LRRC17: variants seen among roughly 807,000 people sequenced by gnomAD.
LRRC17 encodes leucine-rich repeat-containing protein 17.
A neutral mutation model predicts 41.5 loss-of-function variants in LRRC17; 33 were observed. The ratio of observed to expected loss-of-function variants is 0.80; its 90% confidence interval spans 0.60 to 1.06. The LOEUF (loss-of-function observed/expected upper bound fraction) is 1.06, where lower values mean the gene tolerates loss of function less well. LRRC17 is among the 50% of genes least tolerant of loss of function. LRRC17 has a pLI of 0.00. For missense variants in LRRC17, 491 were observed against 519.3 expected (o/e 0.95, Z 0.53); for synonymous variants, 192 against 197.0 (o/e 0.97, Z 0.21).
chr7:102,932,120 A>G (rs1244032603), intron 1 of LRRC17, among the ~76,000 whole-genome samples: 1 of 152,230 alleles, frequency 6.6e-6, no homozygotes, highest in Admixed American at 6.5e-5. Flanking sequence ...ATTAAAATAC[A>G]CAGACATGTT....
At chr7:102,931,272 G>A (rs1020431519) in intron 1 of LRRC17, among the ~76,000 whole-genome samples, 13 of 152,238 alleles carry the variant, frequency 8.5e-5, no homozygotes, top group Non-Finnish European at 1.8e-4. Flanking sequence ...TGAAACAAGT[G>A]AGGCTGGAAA....
At chr7:102,931,779 T>C (rs982158446) in intron 1 of LRRC17, 4 of 1,113,424 alleles carry the variant, frequency 3.6e-6, no homozygotes, top group Non-Finnish European at 5.2e-6. Context: ...TTTTCCACAT[T>C]GAATCCCAAA....
At position 102,944,466 on chromosome 7, in the gene LRRC17, T is replaced by C. The variant is rs1191452023; in HGVS notation, c.1185T>C (p.Ser395=). 6.2e-7 allele frequency: 1 copy of C among 1,613,992 alleles called. No individual in the cohort carries two copies. Among genetic ancestry groups the C allele is most frequent in the Non-Finnish European group, 8.5e-7 (1 of 1,179,958 alleles). ...KGWSVGKYIR[S]YYEECPKDKL... ...GGTCTGTGGGAAAATATATTAGAAG[T>C]TACTATGAAGAATGCCCCAAAGACA... The change falls in exon 4 of 4, where the codon AGT becomes AGC. Residue 395 remains serine, a synonymous_variant. Transcript: ENST00000339431.
chr7:102,916,037 G>A (rs538712911), intron 1 of LRRC17, among the ~76,000 whole-genome samples: 1 of 151,584 alleles, frequency 6.6e-6, no homozygotes, highest in East Asian at 1.9e-4. Context: ...AGGCTGGAGT[G>A]CAATGGCATG....
intron 1 of LRRC17, among the ~76,000 whole-genome samples, chr7:102,919,368 G>T (rs1179516448): frequency 6.6e-6 from 1 of 152,078 alleles, no homozygotes; most frequent in Non-Finnish European, 1.5e-5. Flanking sequence ...AATAAAATCG[G>T]ATCTAAAAAT....
Position 102,934,703 on chromosome 7 carries a change from T to C in LRRC17, c.772+18T>C. 6.4e-7 allele frequency: 1 copy of C among 1,554,714 alleles called. No homozygotes were observed. The highest frequency in any genetic ancestry group is 8.7e-7 in the Non-Finnish European group (1 of 1,155,094). The stretch of plus-strand genomic sequence containing the variant: ...AAGGAAAGGTTTGTACTTTTCTTAC[T>C]TTTTCATTTTCATGAATAACTTGAA... On this transcript the variant is annotated intron_variant, in intron 2 of 3. Transcript: ENST00000339431.
chr7:102,914,948 T>C (rs1815537705), intron 1 of LRRC17, among the ~76,000 whole-genome samples: 1 of 152,104 alleles, frequency 6.6e-6, no homozygotes, highest in African/African-American at 2.4e-5. Context: ...CTAGCAATCC[T>C]TTAGCTTTAT....
Position 102,934,705 on chromosome 7 carries a change from T to G in LRRC17, c.772+20T>G, listed in dbSNP as rs747585651. 2.1e-5 allele frequency: 32 copies of G among 1,547,102 alleles called. No homozygotes were observed. In the Middle Eastern group the frequency reaches 7.0e-4, roughly 34 times the overall value. Reference sequence around the variant, plus strand: ...GGAAAGGTTTGTACTTTTCTTACTTTTTCATTTTCATGAATAACTTGAAAT... The same window carrying G: ...GGAAAGGTTTGTACTTTTCTTACTTGTTCATTTTCATGAATAACTTGAAAT... On this transcript the variant is annotated intron_variant, in intron 2 of 3. Coordinates refer to ENST00000339431, the MANE Select transcript of LRRC17 (RefSeq NM_001031692.3).
chr7:102,914,499 A>C (rs924867437), intron 1 of LRRC17, among the ~76,000 whole-genome samples: 1 of 152,276 alleles, frequency 6.6e-6, no homozygotes, highest in African/African-American at 2.4e-5. Flanking sequence ...AAGAATGAAA[A>C]GTGAGGAGAA....
At chr7:102,923,983 T>C (rs542236490) in intron 1 of LRRC17, among the ~76,000 whole-genome samples, 2 of 152,158 alleles carry the variant, frequency 1.3e-5, no homozygotes, top group Non-Finnish European at 2.9e-5. Context: ...CTCACACTTG[T>C]AATCCCAGCA....
intron 1 of LRRC17, among the ~76,000 whole-genome samples, chr7:102,919,082 G>C (rs1816482305): frequency 6.6e-6 from 1 of 152,170 alleles, no homozygotes; most frequent in Admixed American, 6.5e-5. Context: ...GCTCATGGGA[G>C]TTGATTGTTA....
intron 1 of LRRC17, among the ~76,000 whole-genome samples, chr7:102,918,151 A>G (rs1816279552): frequency 6.6e-6 from 1 of 152,246 alleles, no homozygotes; most frequent in African/African-American, 2.4e-5. Context: ...ACATTTTTGC[A>G]TACCCAAGCA....
intron 1 of LRRC17, 129 bp downstream of exon 1, chr7:102,913,274 T>A: frequency 6.2e-7 from 1 of 1,603,490 alleles, no homozygotes; most frequent in Non-Finnish European, 8.5e-7. Context: ...CTCAAATCTT[T>A]CTTAAGCCAC....
intron 1 of LRRC17, among the ~76,000 whole-genome samples, chr7:102,920,620 G>A (rs1158672984): frequency 1.3e-5 from 2 of 151,948 alleles, no homozygotes; most frequent in Non-Finnish European, 2.9e-5. Flanking sequence ...CAAACTGCTG[G>A]GTTACAGCAA....
At chr7:102,930,786 T>A (rs1001618055) in intron 1 of LRRC17, among the ~76,000 whole-genome samples, 1 of 152,182 alleles carries the variant, frequency 6.6e-6, no homozygotes, top group Non-Finnish European at 1.5e-5. Context: ...TTCACGCTTA[T>A]GATGTTAATT....
At chr7:102,917,851 G>A (rs185308518) in intron 1 of LRRC17, among the ~76,000 whole-genome samples, 201 of 152,222 alleles carry the variant, frequency 1.3e-3, no homozygotes, top group Middle Eastern at 6.8e-3. Flanking sequence ...TGTGACAATA[G>A]GAATAAATAG....
chr7:102,941,566 T>C (rs575900186), intron 3 of LRRC17, among the ~76,000 whole-genome samples: 29 of 152,272 alleles, frequency 1.9e-4, no homozygotes, highest in African/African-American at 6.7e-4. Flanking sequence ...TCTTGATAAA[T>C]AGACTCTGTC....
intron 1 of LRRC17, among the ~76,000 whole-genome samples, chr7:102,931,520 A>C (rs1334778822): frequency 6.6e-6 from 1 of 152,234 alleles, no homozygotes; most frequent in Non-Finnish European, 1.5e-5. Context: ...AAACATATTC[A>C]TTTCCATCTT....
intron 1 of LRRC17, among the ~76,000 whole-genome samples, chr7:102,913,820 G>A (rs1412842774): frequency 6.6e-6 from 1 of 152,152 alleles, no homozygotes. Flanking sequence ...TTGATATGCA[G>A]AGTTTAAGCA....
Sources: allele counts gnomAD v4.1 joint callset (sites outside exome capture counted in the v4.1 genomes callset), GRCh38; gene constraint gnomAD v4.1.1; transcripts MANE v1.5; gene names NCBI Gene and HGNC (gene_info 2026-07-23, HGNC 2026-07-21).